The following CCSER1 variants were observed in gnomAD, a reference collection of about 807,000 sequenced individuals.
The protein encoded by CCSER1 is serine-rich coiled-coil domain-containing protein 1.
In CCSER1, 41 loss-of-function variants were observed where a neutral mutation model predicts 82.0. The ratio of observed to expected loss-of-function variants is 0.50; its 90% CI spans 0.39 to 0.65. The LOEUF (loss-of-function observed/expected upper bound fraction) is 0.65, where lower values mean the gene tolerates loss of function less well. Among genes scored for constraint, CCSER1 ranks in the 30% least tolerant of loss-of-function variants. The pLI is 0.00. For synonymous variants in CCSER1, 414 were observed against 383.9 expected (o/e 1.08, Z -0.92); for missense variants, 1,119 against 1,064.2 (o/e 1.05, Z -0.72).
rs2149313044 is a variant in CCSER1, at chr4:91,361,735, G to C, written c.2218-236837G>C. 1.3e-5 allele frequency among the ~76,000 whole-genome samples: 2 copies of C among 151,860 alleles called. 1 individual carries two copies. The highest frequency in any genetic ancestry group is 6.8e-3 in the Middle Eastern group (2 of 292). On this transcript the variant is annotated intron_variant, in intron 10 of 10. Coordinates refer to ENST00000509176, the MANE Select transcript of CCSER1 (RefSeq NM_001145065.2). ...GAAGACATGTCTTTGAGATACGGAAGTGTTTTTGCTATGAAGACCATTAGA... is the reference window on the plus strand; with the variant it reads ...GAAGACATGTCTTTGAGATACGGAACTGTTTTTGCTATGAAGACCATTAGA...
chr4:90,605,074 G>C (rs1343998863), intron 5 of CCSER1, among the ~76,000 whole-genome samples: 1 of 152,216 alleles, frequency 6.6e-6, no homozygotes, highest in Non-Finnish European at 1.5e-5. Flanking sequence ...CTTTGGGTTT[G>C]AGCCGCCTTT....
intron 7 of CCSER1, among the ~76,000 whole-genome samples, chr4:90,799,455 G>A (rs1033613121): frequency 6.6e-6 from 1 of 152,146 alleles, no homozygotes. Flanking sequence ...GGGAGAGAGT[G>A]TGCAGGCTGG....
intron 1 of CCSER1, among the ~76,000 whole-genome samples, chr4:90,220,275 G>T (rs1741879146): frequency 6.6e-6 from 1 of 152,104 alleles, no homozygotes; most frequent in Non-Finnish European, 1.5e-5. Flanking sequence ...GGGGGTCTTG[G>T]AAGGTATCCT....
intron 5 of CCSER1, among the ~76,000 whole-genome samples, chr4:90,540,046 C>T (rs533926284): frequency 8.5e-5 from 13 of 152,086 alleles, no homozygotes; most frequent in East Asian, 5.8e-4. Context: ...CTATAAGGAA[C>T]GGAGCAAATT....
intron 10 of CCSER1, among the ~76,000 whole-genome samples, chr4:91,353,594 C>T (rs377488743): frequency 2.0e-5 from 3 of 152,152 alleles, no homozygotes; most frequent in African/African-American, 4.8e-5. Flanking sequence ...TCTCTCTTTC[C>T]TCCTTTCCCC....
intron 8 of CCSER1, among the ~76,000 whole-genome samples, chr4:90,859,698 A>G (rs1285562580): frequency 6.6e-6 from 1 of 151,830 alleles, no homozygotes; most frequent in Admixed American, 6.6e-5. Flanking sequence ...ACTTAATACA[A>G]AATACATTAA....
intron 10 of CCSER1, among the ~76,000 whole-genome samples, chr4:91,162,308 A>T (rs1731503256): frequency 6.6e-6 from 1 of 152,108 alleles, no homozygotes; most frequent in African/African-American, 2.4e-5. Context: ...ATAAGCTTTT[A>T]GATGTGCTGC....
intron 9 of CCSER1, among the ~76,000 whole-genome samples, chr4:91,037,351 C>G (rs936773837): frequency 6.6e-6 from 1 of 152,058 alleles, no homozygotes; most frequent in South Asian, 2.1e-4. Context: ...AGAAAAGTAG[C>G]AGATACAAGG....
rs182958351 is a variant in CCSER1 at position 90,962,207 on chromosome 4, T to G, written c.2172+38760T>G. 1.5e-4 allele frequency among the ~76,000 whole-genome samples: 23 copies of G among 152,092 alleles called. No individual in the cohort carries two copies. In the East Asian group the frequency reaches 4.5e-3, roughly 29 times the overall value. On this transcript the variant is annotated intron_variant, in intron 9 of 10. Transcript: ENST00000509176. Reference sequence around the variant, plus strand: ...CAGAACATTCTGTACCATTCACATCTCCTCAAACATTATGATGCCAATGTA... The same window carrying G: ...CAGAACATTCTGTACCATTCACATCGCCTCAAACATTATGATGCCAATGTA...
intron 6 of CCSER1, among the ~76,000 whole-genome samples, chr4:90,710,546 A>G (rs988343085): frequency 6.6e-6 from 1 of 152,096 alleles, no homozygotes. Context: ...TTTTCTGCAT[A>G]TGGCTAGCCA....
chr4:90,304,022 A>G (rs1348014685), intron 1 of CCSER1, among the ~76,000 whole-genome samples: 1 of 152,160 alleles, frequency 6.6e-6, no homozygotes, highest in Non-Finnish European at 1.5e-5. Context: ...GAAGACATTT[A>G]TGCAGCCAAA....
intron 10 of CCSER1, among the ~76,000 whole-genome samples, chr4:91,093,038 ACTT>A (rs939911868): frequency 3.3e-5 from 5 of 152,116 alleles, no homozygotes; most frequent in African/African-American, 1.2e-4. Flanking sequence ...TGCTCCATAT[ACTT>A]GAATGGTTAG....
chr4:90,865,626 G>T (rs929596682), intron 8 of CCSER1, among the ~76,000 whole-genome samples: 1 of 151,856 alleles, frequency 6.6e-6, no homozygotes, highest in African/African-American at 2.4e-5. Flanking sequence ...TATCCTTCTA[G>T]CATTATATCC....
intron 8 of CCSER1, among the ~76,000 whole-genome samples, chr4:90,907,574 A>G (rs1725689321): frequency 6.6e-6 from 1 of 152,124 alleles, no homozygotes; most frequent in African/African-American, 2.4e-5. Flanking sequence ...AATTCAGGCA[A>G]TAGTGAAAAT....
chr4:91,546,645 T>C (rs992939777), intron 10 of CCSER1, among the ~76,000 whole-genome samples: 94 of 152,064 alleles, frequency 6.2e-4, no homozygotes, highest in African/African-American at 2.2e-3. Context: ...TCAGCCTAGC[T>C]AGAGGGTTAT....
At chr4:91,111,208 T>C (rs1726066855) in intron 10 of CCSER1, among the ~76,000 whole-genome samples, 1 of 152,008 alleles carries the variant, frequency 6.6e-6, no homozygotes, top group Non-Finnish European at 1.5e-5. Flanking sequence ...CGTTATCCTT[T>C]GTCAAAATTA....
intron 9 of CCSER1, among the ~76,000 whole-genome samples, chr4:90,949,463 G>A (rs984309357): frequency 2.6e-5 from 4 of 152,108 alleles, no homozygotes; most frequent in African/African-American, 9.7e-5. Context: ...TGTGTAGGGT[G>A]TGTCACAATG....
chr4:91,062,057 C>G (rs1744001278), intron 9 of CCSER1, among the ~76,000 whole-genome samples: 1 of 151,902 alleles, frequency 6.6e-6, no homozygotes. Context: ...TTTCTACTGT[C>G]AGTGTAGCAT....
At chr4:90,368,351 T>C (rs74996002) in intron 3 of CCSER1, among the ~76,000 whole-genome samples, 49,571 of 151,654 alleles carry the variant, frequency 0.33, 8,514 homozygotes, top group South Asian at 0.41. Context: ...AAAAAGGGAA[T>C]GCGGCTTGGC....
Sources: allele counts gnomAD v4.1 joint callset (sites outside exome capture counted in the v4.1 genomes callset), GRCh38; gene constraint gnomAD v4.1.1; transcripts MANE v1.5; gene names NCBI Gene and HGNC (gene_info 2026-07-23, HGNC 2026-07-21).